Variants in MACROD2 observed in about 807,000 individuals in gnomAD.
The protein encoded by MACROD2 is mono-ADP ribosylhydrolase 2.
In MACROD2, 36 loss-of-function variants were observed where a neutral mutation model predicts 70.4. That is an observed-to-expected ratio of 0.51 (90% CI 0.39 to 0.68). MACROD2 has a LOEUF of 0.68. Ranked by LOEUF, MACROD2 falls within the 30% of genes least tolerant of loss-of-function variation. MACROD2 has a pLI of 0.00. For synonymous variants in MACROD2, 172 were observed against 178.8 expected (o/e 0.96, Z 0.30); for missense variants, 496 against 538.4 (o/e 0.92, Z 0.78).
At chr20:15,745,379 G>A (rs62194669) in intron 8 of MACROD2, among the ~76,000 whole-genome samples, 19,802 of 151,972 alleles carry the variant, frequency 0.13, 1,496 homozygotes, top group Non-Finnish European at 0.16. Flanking sequence ...GCATTTTTCT[G>A]GATGACTTTA....
intron 3 of MACROD2, among the ~76,000 whole-genome samples, chr20:14,161,196 T>C (rs2055182587): frequency 6.6e-6 from 1 of 150,912 alleles, no homozygotes; most frequent in African/African-American, 2.4e-5. Flanking sequence ...TTTTTCTTTT[T>C]TTTTTTTTTT....
intron 3 of MACROD2, among the ~76,000 whole-genome samples, chr20:14,141,892 C>A (rs1273084465): frequency 6.6e-6 from 1 of 151,282 alleles, no homozygotes; most frequent in African/African-American, 2.4e-5. Context: ...ACATTGAATT[C>A]ATATTTATTC....
intron 3 of MACROD2, among the ~76,000 whole-genome samples, chr20:14,302,564 C>T (rs953531867): frequency 6.6e-6 from 1 of 152,000 alleles, no homozygotes; most frequent in Non-Finnish European, 1.5e-5. Context: ...TTTTAATGTC[C>T]TTATACCTAT....
intron 7 of MACROD2, among the ~76,000 whole-genome samples, chr20:15,453,062 C>T (rs955982311): frequency 1.3e-5 from 2 of 152,096 alleles, no homozygotes; most frequent in African/African-American, 4.8e-5. Context: ...TGTCCAAAGT[C>T]TTGTAGAAGC....
At chr20:15,122,974 A>C (rs1370754154) in intron 5 of MACROD2, among the ~76,000 whole-genome samples, 2 of 152,204 alleles carry the variant, frequency 1.3e-5, no homozygotes, top group Non-Finnish European at 2.9e-5. Context: ...GTTTATGGTG[A>C]GTCCATGTCT....
chr20:15,636,089 A>AAAG (rs2049361640), intron 8 of MACROD2, among the ~76,000 whole-genome samples: 4 of 135,026 alleles, frequency 3.0e-5, no homozygotes, highest in African/African-American at 1.1e-4. Context: ...AAAAAAAAAA[A>AAAG]AAAGAAAGAA....
chr20:15,081,058 C>G (rs1369461689), intron 5 of MACROD2, among the ~76,000 whole-genome samples: 1 of 152,100 alleles, frequency 6.6e-6, no homozygotes. Context: ...GTCTTATTTG[C>G]TACTGTTTCT....
intron 3 of MACROD2, among the ~76,000 whole-genome samples, chr20:14,269,146 T>A (rs2082169147): frequency 6.6e-6 from 1 of 152,196 alleles, no homozygotes; most frequent in African/African-American, 2.4e-5. Flanking sequence ...ATTGCCTTAT[T>A]GTGTGTGTGG....
chr20:15,231,051 T>G (rs147235130), intron 6 of MACROD2, among the ~76,000 whole-genome samples: 1 of 152,116 alleles, frequency 6.6e-6, no homozygotes, highest in Non-Finnish European at 1.5e-5. Flanking sequence ...AGCAGATACA[T>G]TTAGGTAACC....
In MACROD2 at chr20:14,253,601, C is replaced by T. The variant is rs146704148; in HGVS notation, c.271+167873C>T. Among the ~76,000 whole-genome samples the T allele has an allele frequency of 2.1e-3, 325 of 151,982 alleles. 1 individual carries two copies. The highest frequency in any genetic ancestry group is 7.5e-3 in the African/African-American group (311 of 41,468). ...CCATATATGTTTGAATTGTTATTAC[C>T]TCCAAGCCTGTTCTTATTCTCTACA... On this transcript the variant is annotated intron_variant, in intron 3 of 17. Transcript: ENST00000684519.
At chr20:15,745,898 T>A (rs772355132) in intron 8 of MACROD2, among the ~76,000 whole-genome samples, 11 of 152,186 alleles carry the variant, frequency 7.2e-5, no homozygotes, top group Non-Finnish European at 1.3e-4. Flanking sequence ...TATGTTTGTC[T>A]ACATCTGTGT....
At chr20:15,020,708 T>C (rs1453889089) in intron 5 of MACROD2, among the ~76,000 whole-genome samples, 5 of 152,092 alleles carry the variant, frequency 3.3e-5, no homozygotes, top group Admixed American at 3.3e-4. Flanking sequence ...TTGTACATGT[T>C]ACTGTACTGA....
intron 4 of MACROD2, among the ~76,000 whole-genome samples, chr20:14,570,187 A>G (rs1261155785): frequency 2.0e-5 from 3 of 152,100 alleles, no homozygotes; most frequent in East Asian, 3.9e-4. Flanking sequence ...AACTGTACGT[A>G]TATACAACGG....
At chr20:14,673,718 A>T (rs998078904) in intron 4 of MACROD2, among the ~76,000 whole-genome samples, 5 of 152,050 alleles carry the variant, frequency 3.3e-5, no homozygotes, top group Admixed American at 6.6e-5. Context: ...GAGGAGTTCG[A>T]CACTAGCCTG....
chr20:15,362,757 T>C (rs1442426847), intron 6 of MACROD2, among the ~76,000 whole-genome samples: 1 of 152,178 alleles, frequency 6.6e-6, no homozygotes, highest in Non-Finnish European at 1.5e-5. Context: ...TGATATAGTG[T>C]TGATATGATT....
intron 3 of MACROD2, among the ~76,000 whole-genome samples, chr20:14,380,560 G>T (rs117209760): frequency 0.027 from 4,126 of 152,144 alleles, 86 homozygotes; most frequent in Middle Eastern, 0.041. Flanking sequence ...TATTTAAGTT[G>T]TTGATCCATT....
At chr20:14,825,516 A>G (rs542984138) in intron 5 of MACROD2, among the ~76,000 whole-genome samples, 148 of 151,426 alleles carry the variant, frequency 9.8e-4, no homozygotes, top group Non-Finnish European at 1.9e-3. Context: ...CACCTTTGTC[A>G]AAAAAAAATA....
At chr20:15,305,410 C>T (rs972063701) in intron 6 of MACROD2, among the ~76,000 whole-genome samples, 1 of 152,062 alleles carries the variant, frequency 6.6e-6, no homozygotes, top group Non-Finnish European at 1.5e-5. Flanking sequence ...TAATTTTTAT[C>T]ATGTTTATTT....
intron 7 of MACROD2, among the ~76,000 whole-genome samples, chr20:15,484,847 A>G (rs903540936): frequency 3.3e-5 from 5 of 151,904 alleles, no homozygotes; most frequent in Admixed American, 1.3e-4. Context: ...AGGCTTTTCT[A>G]CTCCAGTACT....
Sources: allele counts gnomAD v4.1 joint callset (sites outside exome capture counted in the v4.1 genomes callset), GRCh38; gene constraint gnomAD v4.1.1; transcripts MANE v1.5; gene names NCBI Gene and HGNC (gene_info 2026-07-23, HGNC 2026-07-21).